PRKCE: variants seen among roughly 807,000 people sequenced by gnomAD.
PRKCE encodes the protein protein kinase C epsilon.
PRKCE carries 16 observed loss-of-function variants against 85.4 expected under a neutral mutation model. That is an observed-to-expected ratio of 0.19 (90% CI 0.13 to 0.28). The LOEUF (loss-of-function observed/expected upper bound fraction) is 0.28. Among genes scored for constraint, PRKCE ranks in the 10% least tolerant of loss-of-function variants. The pLI is 1.00. For missense variants in PRKCE, 573 were observed against 975.2 expected, an observed-to-expected ratio of 0.59 and a Z score of 5.49; for synonymous variants, 388 against 371.5, an observed-to-expected ratio of 1.04 and a Z score of -0.51.
In PRKCE at chr2:45,802,510, A is replaced by G. The variant is rs186322843; in HGVS notation, c.349-40490A>G. Among the ~76,000 whole-genome samples the G allele has an allele frequency of 6.1e-3, 923 of 152,110 alleles. 6 individuals are homozygous for G. Among genetic ancestry groups the G allele is most frequent in the South Asian group, 0.018 (84 of 4,762 alleles). On this transcript the variant is annotated intron_variant, in intron 1 of 14. Transcript: ENST00000306156. Reference sequence around the variant, plus strand: ...TTTGAAAACCTCAACGGAGTAGACTATTATAAAGCCTTTCACAGCCTGCCT... The same window carrying G: ...TTTGAAAACCTCAACGGAGTAGACTGTTATAAAGCCTTTCACAGCCTGCCT...
chr2:45,906,157 G>A (rs1696958544), intron 2 of PRKCE, among the ~76,000 whole-genome samples: 1 of 152,234 alleles, frequency 6.6e-6, no homozygotes, highest in Admixed American at 6.5e-5. Flanking sequence ...AAAGCCGCTA[G>A]CTGATTGCTA....
intron 1 of PRKCE, among the ~76,000 whole-genome samples, chr2:45,685,982 A>G (rs936116865): frequency 6.6e-5 from 10 of 152,204 alleles, no homozygotes; most frequent in African/African-American, 2.2e-4. Flanking sequence ...CTATTTTAAA[A>G]TTTAAGTATA....
intron 11 of PRKCE, among the ~76,000 whole-genome samples, chr2:46,106,337 G>A (rs2104154868): frequency 6.6e-6 from 1 of 152,200 alleles, no homozygotes; most frequent in African/African-American, 2.4e-5. Context: ...AAGAAACCTA[G>A]CTCCCACCAC....
intron 1 of PRKCE, among the ~76,000 whole-genome samples, chr2:45,694,792 A>G (rs1250082030): frequency 6.6e-6 from 1 of 152,234 alleles, no homozygotes; most frequent in East Asian, 1.9e-4. Context: ...GGCAGACTAC[A>G]GGAGAGTGTA....
chr2:46,182,295 C>T lies in PRKCE; in HGVS notation c.2068-2440C>T, dbSNP rs548331374. 3.9e-5 allele frequency among the ~76,000 whole-genome samples: 6 copies of T among 152,144 alleles called. No individual in the cohort carries two copies. In the East Asian group the frequency reaches 7.7e-4, roughly 20 times the overall value. ...CCACAGAGATCTTCAGAAGAGGTGT[C>T]GCCACACCCTTTGCCCAGGCGCCAC... On this transcript the variant is annotated intron_variant, in intron 14 of 14. Transcript: ENST00000306156.
At chr2:46,121,942 G>A (rs912864110) in intron 11 of PRKCE, among the ~76,000 whole-genome samples, 5 of 152,144 alleles carry the variant, frequency 3.3e-5, no homozygotes, top group African/African-American at 1.2e-4. Flanking sequence ...ACATTCACCA[G>A]TATTCTTCTC....
chr2:45,666,688 T>C (rs1675927529), intron 1 of PRKCE, among the ~76,000 whole-genome samples: 1 of 152,092 alleles, frequency 6.6e-6, no homozygotes, highest in Admixed American at 6.5e-5. Context: ...GTTTGTGCCC[T>C]CCGTTTAAAA....
At chr2:46,124,652 G>A (rs1464669098) in intron 11 of PRKCE, among the ~76,000 whole-genome samples, 1 of 152,110 alleles carries the variant, frequency 6.6e-6, no homozygotes, top group Admixed American at 6.6e-5. Context: ...GTGGGCAGAG[G>A]AAAGGGATCA....
At chr2:46,137,117 C>T (rs187662903) in intron 11 of PRKCE, among the ~76,000 whole-genome samples, 5 of 152,254 alleles carry the variant, frequency 3.3e-5, no homozygotes, top group African/African-American at 9.6e-5. Context: ...CTAGCACTTT[C>T]GCAGAGGTTA....
intron 1 of PRKCE, among the ~76,000 whole-genome samples, chr2:45,726,732 G>A (rs1459662109): frequency 6.6e-6 from 1 of 152,144 alleles, no homozygotes; most frequent in Non-Finnish European, 1.5e-5. Context: ...AAATATTGCT[G>A]ATTTAAGGGG....
intron 10 of PRKCE, among the ~76,000 whole-genome samples, chr2:46,040,721 A>G (rs1165154602): frequency 6.6e-6 from 1 of 152,226 alleles, no homozygotes; most frequent in Middle Eastern, 3.2e-3. Context: ...GAATTGGGTA[A>G]TGATGGAAAG....
intron 1 of PRKCE, among the ~76,000 whole-genome samples, chr2:45,765,865 C>G (rs1292562704): frequency 6.6e-6 from 1 of 152,174 alleles, no homozygotes. Context: ...CTGCCACCCT[C>G]CCTCCTCCCA....
chr2:46,084,511 C>T (rs1439340980), intron 10 of PRKCE, among the ~76,000 whole-genome samples: 2 of 151,996 alleles, frequency 1.3e-5, no homozygotes, highest in Non-Finnish European at 2.9e-5. Flanking sequence ...ATCACGAGGT[C>T]AGGAGATCAA....
At chr2:45,718,101 G>T (rs536637262) in intron 1 of PRKCE, among the ~76,000 whole-genome samples, 1 of 152,146 alleles carries the variant, frequency 6.6e-6, no homozygotes, top group Non-Finnish European at 1.5e-5. Context: ...CATTTGGGCC[G>T]GATAACTTTT....
At chr2:45,816,808 C>T (rs1268268795) in intron 1 of PRKCE, among the ~76,000 whole-genome samples, 1 of 152,184 alleles carries the variant, frequency 6.6e-6, no homozygotes, top group Non-Finnish European at 1.5e-5. Flanking sequence ...CATCCTCCCT[C>T]CCCCTAATTG....
At position 46,158,958 on chromosome 2, in the gene PRKCE, C is replaced by A. The variant is rs184176923; in HGVS notation, c.1921-648C>A. Among the ~76,000 whole-genome samples, 171 of 152,256 alleles carry A rather than the reference C, an allele frequency of 1.1e-3. 2 individuals are homozygous for A. The highest frequency in any genetic ancestry group is 3.9e-3 in the African/African-American group (160 of 41,550). On this transcript the variant is annotated intron_variant, in intron 13 of 14. Transcript: ENST00000306156. Reference sequence around the variant, plus strand: ...ATAAAACACATCAATGTGATTTTCACCTACAAGCATTGAAAAGGAATAAGC... The same window carrying A: ...ATAAAACACATCAATGTGATTTTCAACTACAAGCATTGAAAAGGAATAAGC...
intron 10 of PRKCE, among the ~76,000 whole-genome samples, chr2:46,036,378 A>G (rs1707859438): frequency 1.3e-5 from 2 of 152,156 alleles, no homozygotes. Context: ...GGAGTTCAAG[A>G]ACACCCTGGG....
intron 1 of PRKCE, among the ~76,000 whole-genome samples, chr2:45,761,245 T>G (rs1235863993): frequency 7.2e-6 from 1 of 138,166 alleles, no homozygotes; most frequent in Non-Finnish European, 1.5e-5. Context: ...GAGAATGGCG[T>G]GAACCCGGGA....
At chr2:45,829,110 G>A (rs10865207) in intron 1 of PRKCE, among the ~76,000 whole-genome samples, 117,690 of 151,940 alleles carry the variant, frequency 0.77, 46,070 homozygotes, top group African/African-American at 0.88. Flanking sequence ...TTGAACAATT[G>A]GTTTCTAATA....
Sources: gnomAD v4.1 joint callset for allele counts (sites outside exome capture counted in the v4.1 genomes callset) on GRCh38, gnomAD v4.1.1 for gene constraint, MANE v1.5 for transcripts, NCBI Gene and HGNC (gene_info 2026-07-23, HGNC 2026-07-21) for gene names.